Variants in KCNC4 observed in about 807,000 individuals in gnomAD.
KCNC4 encodes the protein voltage-gated potassium channel KCNC4.
In KCNC4, 23 loss-of-function variants were observed where a neutral mutation model predicts 42.8. The ratio of observed to expected loss-of-function variants is 0.54; its 90% CI spans 0.39 to 0.76. The LOEUF (loss-of-function observed/expected upper bound fraction) is 0.76, where lower values mean the gene tolerates loss of function less well. Ranked by LOEUF, KCNC4 falls within the 30% of genes least tolerant of loss-of-function variation. KCNC4 has a pLI of 0.00. For missense variants in KCNC4, 751 were observed against 898.2 expected (o/e 0.84, Z 2.10); for synonymous variants, 422 against 393.5 (o/e 1.07, Z -0.86).
chr1:110,228,468 T>C (rs1276641375), intron 3 of KCNC4: 1 of 152,632 alleles, frequency 6.6e-6, no homozygotes, highest in East Asian at 1.9e-4. Flanking sequence ...CGCCCTGCAG[T>C]GTCTCCTGGA....
chr1:110,253,941 C>T (rs1356224472), downstream of KCNC4, among the ~76,000 whole-genome samples: 1 of 152,100 alleles, frequency 6.6e-6, no homozygotes, highest in Admixed American at 6.5e-5. Context: ...TACTTCACGG[C>T]CATGCAGAGA....
downstream of KCNC4, chr1:110,236,841 C>A (rs1658918035): frequency 6.6e-6 from 1 of 152,108 alleles, no homozygotes; most frequent in South Asian, 2.1e-4. Flanking sequence ...GGTTTAGATT[C>A]TTCTCTGATT....
chr1:110,269,633 T>C (rs186564980), intron 1 of KCNC4, among the ~76,000 whole-genome samples: 2 of 152,374 alleles, frequency 1.3e-5, no homozygotes, highest in East Asian at 1.9e-4. Context: ...TGTGAACATA[T>C]GTTTTCATTT....
exon 4 of KCNC4, chr1:110,243,097 C>G (rs1488588797): frequency 6.6e-6 from 1 of 152,268 alleles, no homozygotes; most frequent in Non-Finnish European, 1.5e-5. Flanking sequence ...TGAAGTGGCT[C>G]TAGACCCAGG....
downstream of KCNC4, chr1:110,236,287 A>G (rs1658904205): frequency 6.6e-6 from 1 of 152,216 alleles, no homozygotes; most frequent in African/African-American, 2.4e-5. Context: ...AACCAACACA[A>G]CAATGTCAGG....
At chr1:110,258,641 T>G (rs1274995184) in intron 1 of KCNC4, among the ~76,000 whole-genome samples, 1 of 152,212 alleles carries the variant, frequency 6.6e-6, no homozygotes, top group African/African-American at 2.4e-5. Context: ...CTTCAAATCA[T>G]TCACACAGAT....
At chr1:110,271,318 CCCTCTTTA>C (rs1659630801) in intron 1 of KCNC4, among the ~76,000 whole-genome samples, 2 of 152,244 alleles carry the variant, frequency 1.3e-5, no homozygotes, top group South Asian at 4.1e-4. Context: ...ACTCCAAATT[CCCTCTTTA>C]TACAGGGGAG....
chr1:110,223,671 C>T lies in KCNC4; in HGVS notation c.1386C>T (p.Leu462=), dbSNP rs1658233038. The change falls in exon 2 of 4, where the codon CTC becomes CTT. Residue 462 remains leucine, a synonymous_variant. Transcript: ENST00000438661. The surrounding 1 kb of genome is among the most constrained non-coding windows in gnomAD (Gnocchi z 7.5). ...CACTGTGTGCACTGGCTGGCGTGCT[C>T]ACCATCGCCATGCCGGTGCCTGTCA... ...VGALCALAGV[L]TIAMPVPVIV... 6.2e-7 allele frequency: 1 copy of T among 1,613,968 alleles called. No individual in the cohort carries two copies. Among genetic ancestry groups the T allele is most frequent in the Non-Finnish European group, 8.5e-7 (1 of 1,180,014 alleles).
At chr1:110,254,079 T>G (rs1659287809), downstream of KCNC4, among the ~76,000 whole-genome samples, 4 of 108,024 alleles carry the variant, frequency 3.7e-5, no homozygotes, top group African/African-American at 1.1e-4. Context: ...AAGGAAGAAA[T>G]AGGCAGAAGT....
intron 1 of KCNC4, among the ~76,000 whole-genome samples, chr1:110,280,391 G>A (rs978009484): frequency 3.3e-5 from 5 of 151,726 alleles, no homozygotes; most frequent in African/African-American, 1.2e-4. Context: ...TGAAGACTCT[G>A]GGGGAGGGAG....
At chr1:110,282,690 T>A (rs1253392399) in intron 2 of KCNC4, 1 of 152,244 alleles carries the variant, frequency 6.6e-6, no homozygotes, top group African/African-American at 2.4e-5. Context: ...TAGAAGCACC[T>A]TCTTCGAAGG....
chr1:110,227,067 A>G (rs552054952), intron 3 of KCNC4, among the ~76,000 whole-genome samples: 15 of 152,226 alleles, frequency 9.9e-5, no homozygotes, highest in Non-Finnish European at 1.8e-4. Flanking sequence ...AACCTCACTC[A>G]ATGTTCTACC....
chr1:110,233,073 G>A lies in KCNC4; in HGVS notation c.*101G>A. Reference sequence around the variant, plus strand: ...GAATCTTTTCGCTGGGAAAGACTCAGATATCCTTGTTTGCACAGGACTGGT... The same window carrying A: ...GAATCTTTTCGCTGGGAAAGACTCAAATATCCTTGTTTGCACAGGACTGGT... On this transcript the variant is annotated 3_prime_UTR_variant, in exon 4 of 4. Coordinates refer to ENST00000438661, the MANE Select transcript of KCNC4 (RefSeq NM_001039574.3). 1 of 1,433,622 alleles carries A rather than the reference G, an allele frequency of 7.0e-7. No individual in the cohort carries two copies. Among genetic ancestry groups the A allele is most frequent in the Non-Finnish European group, 9.5e-7 (1 of 1,050,270 alleles). The allele number at this position is 1,433,622 out of a possible 1,614,324, so 88.8% of individuals were successfully genotyped here.
At chr1:110,212,330 G>A (rs1571019847) in intron 1 of KCNC4, among the ~76,000 whole-genome samples, 153 bp downstream of exon 1, 1 of 152,094 alleles carries the variant, frequency 6.6e-6, no homozygotes, top group Non-Finnish European at 1.5e-5. Flanking sequence ...TCCGTGGCTC[G>A]CAGGGGAATT....
At chr1:110,252,682 A>G (rs1253777245), downstream of KCNC4, among the ~76,000 whole-genome samples, 2 of 152,196 alleles carry the variant, frequency 1.3e-5, no homozygotes, top group Non-Finnish European at 2.9e-5. Context: ...TCTGTGCCAA[A>G]TATTTTACAT....
chr1:110,268,605 C>CAAACGAAAAAA (rs1659585305), intron 1 of KCNC4, among the ~76,000 whole-genome samples: 1 of 20,678 alleles, frequency 4.8e-5, no homozygotes, highest in Non-Finnish European at 8.7e-5. Context: ...GAGACTGTCT[C>CAAACGAAAAAA]AAAAGAAAAA....
exon 4 of KCNC4, chr1:110,242,783 A>G (rs1659056510): frequency 6.6e-6 from 1 of 151,928 alleles, no homozygotes; most frequent in Non-Finnish European, 1.5e-5. Context: ...TCTTTTTATC[A>G]CTCACATTTT....
chr1:110,233,052 C>T lies in KCNC4; in HGVS notation c.*80C>T. 6.6e-7 allele frequency: 1 copy of T among 1,509,850 alleles called. No homozygotes were observed. Among genetic ancestry groups the T allele is most frequent in the African/African-American group, 1.4e-5 (1 of 72,298 alleles). The allele number at this position is 1,509,850 out of a possible 1,614,324, so 93.5% of individuals were successfully genotyped here. On this transcript the variant is annotated 3_prime_UTR_variant, in exon 4 of 4. Coordinates refer to ENST00000438661, the MANE Select transcript of KCNC4 (RefSeq NM_001039574.3). ...GAAACTCTGGAACCCAGACAAGAATCTTTTCGCTGGGAAAGACTCAGATAT... is the reference window on the plus strand; with the variant it reads ...GAAACTCTGGAACCCAGACAAGAATTTTTTCGCTGGGAAAGACTCAGATAT...
At chr1:110,225,439 G>A (rs2761440) in intron 2 of KCNC4, 83,814 of 152,302 alleles carry the variant, frequency 0.55, 23,386 homozygotes, top group Non-Finnish European at 0.59. Flanking sequence ...CCCTAATTGC[G>A]GAGGGCTCTA....
Sources: allele counts gnomAD v4.1 joint callset (sites outside exome capture counted in the v4.1 genomes callset), GRCh38; gene constraint gnomAD v4.1.1; non-coding constraint Gnocchi (gnomAD v3.1); transcripts MANE v1.5; gene names NCBI Gene and HGNC (gene_info 2026-07-23, HGNC 2026-07-21).